The following C5orf63 variants were observed in gnomAD, a reference collection of about 807,000 sequenced individuals.
The protein encoded by C5orf63 is glutaredoxin-like protein C5orf63.
Under a neutral mutation model 13.3 loss-of-function variants are expected in C5orf63, and 18 were observed. The ratio of observed to expected loss-of-function variants is 1.36; its 90% CI spans 0.94 to 2.01. The LOEUF is 2.01. Among genes scored for constraint, C5orf63 ranks in the 30% most tolerant of loss-of-function variants. C5orf63 has a pLI of 0.00. For missense variants in C5orf63, 118 were observed against 127.7 expected (o/e 0.92, Z 0.36); for synonymous variants, 38 against 44.7 (o/e 0.85, Z 0.60).
chr5:127,048,246 G>GACACACACAC (rs71822352), downstream of C5orf63, among the ~76,000 whole-genome samples: 160 of 134,774 alleles, frequency 1.2e-3, no homozygotes, highest in African/African-American at 4.3e-3. Context: ...GGTCCATGAG[G>GACACACACAC]ACACACACAC....
At chr5:127,055,039 A>G (rs1464816897) in intron 3 of C5orf63, among the ~76,000 whole-genome samples, 2 of 152,152 alleles carry the variant, frequency 1.3e-5, no homozygotes, top group Non-Finnish European at 2.9e-5. Flanking sequence ...CAAAGATCAG[A>G]TGGTTGTAGA....
chr5:127,046,022 T>C (rs1339730130), exon 5 of C5orf63: 2 of 152,236 alleles, frequency 1.3e-5, no homozygotes, highest in African/African-American at 4.8e-5. Context: ...TCTCCATGGT[T>C]TGGGAATAGC....
At chr5:127,067,475 G>C (rs1754373372) in intron 2 of C5orf63, among the ~76,000 whole-genome samples, 1 of 152,108 alleles carries the variant, frequency 6.6e-6, no homozygotes, top group African/African-American at 2.4e-5. Flanking sequence ...GAATTTCTAA[G>C]ATATGACTGT....
intron 1 of C5orf63, 28 bp downstream of exon 1, chr5:127,073,423 C>T (rs572553864): frequency 1.3e-5 from 2 of 152,298 alleles, no homozygotes; most frequent in Non-Finnish European, 2.9e-5. Flanking sequence ...CGAGCGCTCA[C>T]CCTCGGCGCG....
chr5:127,059,588 T>G (rs1288899011), intron 2 of C5orf63, among the ~76,000 whole-genome samples: 3 of 151,364 alleles, frequency 2.0e-5, no homozygotes, highest in Non-Finnish European at 2.9e-5. Context: ...ATTAGCTGGG[T>G]GTGGTGGTGT....
chr5:127,044,844 G>A (rs747956575), downstream of C5orf63: 3 of 149,660 alleles, frequency 2.0e-5, no homozygotes, highest in Admixed American at 6.7e-5. Flanking sequence ...CGAACTCCTG[G>A]GCTCAAGCTA....
chr5:127,051,540 C>T lies in C5orf63; in HGVS notation c.*231G>A. The T allele has an allele frequency of 8.1e-7, 1 of 1,239,632 alleles. No homozygotes were observed. Among genetic ancestry groups the T allele is most frequent in the Non-Finnish European group, 1.0e-6 (1 of 992,386 alleles). The allele number at this position is 1,239,632 out of a possible 1,614,324, so 76.8% of individuals were successfully genotyped here. A position where few individuals can be genotyped will look rare whatever the true frequency, so the allele number is the denominator to read the frequency against. On this transcript the variant is annotated 3_prime_UTR_variant, in exon 5 of 5. Transcript: ENST00000296662. ...ATGGACTTCTCCCTCCCTCCATCAT[C>T]TCCCTCCCTGCTAATATGCTCTTCT...
chr5:127,058,912 T>C lies in C5orf63; in HGVS notation c.84A>G (p.Thr28=), dbSNP rs532770478. 1.1e-5 allele frequency: 17 copies of C among 1,536,820 alleles called. No homozygotes were observed. The highest frequency in any genetic ancestry group is 4.9e-5 in the East Asian group (2 of 40,918). The change falls in exon 3 of 5, where the codon ACA becomes ACG. Residue 28 remains threonine, a synonymous_variant. Transcript: ENST00000296662. ...LFLRNCSASK[T]TLPVLTLFTK... Reference sequence around the variant, plus strand: ...TGAATAAGGTCAACACAGGCAGAGTTGTCTTAGAGGCAGAGCAATTTCTCA... The same window carrying C: ...TGAATAAGGTCAACACAGGCAGAGTCGTCTTAGAGGCAGAGCAATTTCTCA...
Position 127,051,669 on chromosome 5 carries a change from C to A in C5orf63, c.*102G>T. Reference sequence around the variant, plus strand: ...TTGGCACCACTGAATTCAGAACATCCTTAGGGCTCTGTACAAGTGACAAAA... The same window carrying A: ...TTGGCACCACTGAATTCAGAACATCATTAGGGCTCTGTACAAGTGACAAAA... On this transcript the variant is annotated 3_prime_UTR_variant, in exon 5 of 5. Transcript: ENST00000296662. 1.5e-6 allele frequency: 2 copies of A among 1,353,452 alleles called. No individual in the cohort carries two copies. Among genetic ancestry groups the A allele is most frequent in the Non-Finnish European group, 1.9e-6 (2 of 1,055,612 alleles). The allele number at this position is 1,353,452 out of a possible 1,614,324, so 83.8% of individuals were successfully genotyped here.
intron 2 of C5orf63, among the ~76,000 whole-genome samples, chr5:127,069,258 C>T (rs77054206): frequency 0.016 from 2,496 of 152,288 alleles, 65 homozygotes; most frequent in African/African-American, 0.057. Flanking sequence ...TAGGCAGGCT[C>T]CTTTCCACAT....
At chr5:127,059,895 C>T (rs1050062906) in intron 2 of C5orf63, among the ~76,000 whole-genome samples, 4 of 151,536 alleles carry the variant, frequency 2.6e-5, no homozygotes, top group Non-Finnish European at 5.9e-5. Context: ...CCTGTAATCC[C>T]AGCACTTTGG....
At chr5:127,047,830 G>C, downstream of C5orf63, 1 of 703,734 alleles carries the variant, frequency 1.4e-6, no homozygotes, top group Admixed American at 2.0e-5. Context: ...TCTTTTCCCC[G>C]ACTGAGAAGC....
At chr5:127,048,432 T>A (rs77309782), downstream of C5orf63, among the ~76,000 whole-genome samples, 2,674 of 152,248 alleles carry the variant, frequency 0.018, 41 homozygotes, top group Non-Finnish European at 0.027. Flanking sequence ...CCCAAGGACA[T>A]ACATTCGCTT....
downstream of C5orf63, chr5:127,042,743 TAAAAC>T (rs1393944006): frequency 6.6e-6 from 1 of 152,210 alleles, no homozygotes; most frequent in Non-Finnish European, 1.5e-5. Flanking sequence ...AAATCCATGA[TAAAAC>T]AAATGATTTG....
chr5:127,049,075 A>T (rs947253515), downstream of C5orf63, among the ~76,000 whole-genome samples: 2 of 152,252 alleles, frequency 1.3e-5, no homozygotes, highest in South Asian at 2.1e-4. Flanking sequence ...GGACTACTAG[A>T]AGGGACTGTT....
downstream of C5orf63, among the ~76,000 whole-genome samples, chr5:127,048,868 G>C (rs533239481): frequency 2.2e-4 from 34 of 152,168 alleles, no homozygotes; most frequent in Non-Finnish European, 4.3e-4. Context: ...CATCTTAGTT[G>C]AGCAGACACT....
chr5:127,058,859 A>T (rs777605138), intron 3 of C5orf63, 23 bp downstream of exon 3: 16 of 1,443,628 alleles, frequency 1.1e-5, no homozygotes, highest in Middle Eastern at 3.4e-4. Flanking sequence ...TTCACCCAAC[A>T]ATTTTACTTT....
At chr5:127,043,959 T>C (rs996876309), downstream of C5orf63, 2 of 152,234 alleles carry the variant, frequency 1.3e-5, no homozygotes, top group African/African-American at 4.8e-5. Context: ...TTGACCTTGT[T>C]GTGAGGACTC....
rs182449270 is a variant in C5orf63 at position 127,068,892 on chromosome 5, G to A, written c.-8+2692C>T. On this transcript the variant is annotated intron_variant, in intron 2 of 4. Coordinates refer to ENST00000296662, the MANE Select transcript of C5orf63 (RefSeq NM_001164478.2). ...ACCATATACCCCCTCTAGTTCCCAA[G>A]AGTCCAAAGGGAATTCTGGACTAAT... Among the ~76,000 whole-genome samples the A allele has an allele frequency of 9.2e-5, 14 of 152,246 alleles. 1 individual carries two copies. The East Asian group carries it at 2.1e-3, about 23-fold the overall frequency.
Sources: gnomAD v4.1 joint callset for allele counts (sites outside exome capture counted in the v4.1 genomes callset) on GRCh38, gnomAD v4.1.1 for gene constraint, MANE v1.5 for transcripts, NCBI Gene and HGNC (gene_info 2026-07-23, HGNC 2026-07-21) for gene names.